PARN: variants seen among roughly 807,000 people sequenced by gnomAD.
PARN encodes poly(A)-specific ribonuclease.
In PARN, 71 loss-of-function variants were observed where a neutral mutation model predicts 102.8. The observed-to-expected ratio is 0.69, with a 90% CI of 0.57 to 0.84. The LOEUF is 0.84. Among genes scored for constraint, PARN ranks in the 40% least tolerant of loss-of-function variants. The pLI is 0.00. For synonymous variants in PARN, 261 were observed against 252.9 expected (o/e 1.03, Z -0.30); for missense variants, 782 against 760.9 (o/e 1.03, Z -0.33).
intron 21 of PARN, among the ~76,000 whole-genome samples, chr16:14,547,654 G>C (rs1038471027): frequency 2.0e-5 from 3 of 152,034 alleles, no homozygotes; most frequent in Admixed American, 2.0e-4. Flanking sequence ...AGGCTGCAGT[G>C]AGTTATAATC....
chr16:14,438,018 C>T (rs867121471), intron 23 of PARN, among the ~76,000 whole-genome samples: 7 of 152,178 alleles, frequency 4.6e-5, no homozygotes, highest in African/African-American at 1.7e-4. Context: ...ACTCTTTCTG[C>T]CCTGGGTCTC....
intron 21 of PARN, among the ~76,000 whole-genome samples, chr16:14,542,810 AG>A: frequency 6.6e-6 from 1 of 152,208 alleles, no homozygotes; most frequent in East Asian, 1.9e-4. Context: ...CACAGAAAAA[AG>A]GAACAGAGCA....
rs575255097 is a variant in PARN at position 14,436,350 on chromosome 16, C to G, written c.*367G>C. The G allele has an allele frequency of 4.2e-5, 11 of 260,086 alleles. No homozygotes were observed. The highest frequency in any genetic ancestry group is 7.4e-5 in the Non-Finnish European group (10 of 135,786). 16.1% of individuals were successfully genotyped at this position (260,086 alleles called of 1,614,324 possible). On this transcript the variant is annotated 3_prime_UTR_variant, in exon 24 of 24. Coordinates refer to ENST00000437198, the MANE Select transcript of PARN (RefSeq NM_002582.4). ...ACCCCCAAATTCATGATCACAGCAG[C>G]TGGAATGTCAGCTCTTTTTGCAGAT... is the stretch of plus-strand genomic sequence containing the variant.
At chr16:14,448,044 G>C (rs1329032497) in intron 22 of PARN, among the ~76,000 whole-genome samples, 1 of 152,084 alleles carries the variant, frequency 6.6e-6, no homozygotes, top group Non-Finnish European at 1.5e-5. Flanking sequence ...GAGTGCAGTG[G>C]AGTGATCTCG....
chr16:14,451,869 C>CAAAAAAAAAAAAAAAAAAAAA (rs869041563), intron 22 of PARN, among the ~76,000 whole-genome samples: 24 of 52,500 alleles, frequency 4.6e-4, no homozygotes, highest in African/African-American at 5.3e-4. Flanking sequence ...AAAAAAAATA[C>CAAAAAAAAAAAAAAAAAAAAA]AAAAAAAAAA....
At chr16:14,438,026 C>A (rs1189319647) in intron 23 of PARN, among the ~76,000 whole-genome samples, 1 of 152,152 alleles carries the variant, frequency 6.6e-6, no homozygotes, top group African/African-American at 2.4e-5. Context: ...TGCCCTGGGT[C>A]TCATCGCTCT....
At chr16:14,579,767 G>C (rs577872728) in intron 18 of PARN, among the ~76,000 whole-genome samples, 1 of 152,206 alleles carries the variant, frequency 6.6e-6, no homozygotes, top group East Asian at 1.9e-4. Context: ...CTGAGGTCAG[G>C]GAGTTCGAGA....
chr16:14,610,472 A>C (rs1221374438), intron 7 of PARN, among the ~76,000 whole-genome samples, 172 bp downstream of exon 7: 1 of 147,984 alleles, frequency 6.8e-6, no homozygotes, highest in African/African-American at 2.5e-5. Context: ...GACTGTCTCA[A>C]AAAAAAAAAA....
chr16:14,623,086 A>G (rs1317119636), intron 5 of PARN, among the ~76,000 whole-genome samples: 1 of 150,986 alleles, frequency 6.6e-6, no homozygotes, highest in Non-Finnish European at 1.5e-5. Context: ...CCTTGGTGAC[A>G]GAGACTCTGT....
intron 18 of PARN, among the ~76,000 whole-genome samples, chr16:14,570,861 G>A (rs989892818): frequency 6.7e-6 from 1 of 149,700 alleles, no homozygotes; most frequent in South Asian, 2.1e-4. Flanking sequence ...GGTGGCATGC[G>A]CCTTTGGTAG....
intron 21 of PARN, among the ~76,000 whole-genome samples, chr16:14,507,543 A>G (rs1295365569): frequency 6.7e-6 from 1 of 149,070 alleles, no homozygotes; most frequent in Non-Finnish European, 1.5e-5. Flanking sequence ...AAAAATACAA[A>G]AAAGGCATGG....
At position 14,617,788 on chromosome 16, in the gene PARN, A is replaced by G. The variant is rs146142272; in HGVS notation, c.328-138T>C. 1,837 of 641,108 alleles carry G rather than the reference A, an allele frequency of 2.9e-3. 29 individuals carry two copies. The highest frequency in any genetic ancestry group is 0.028 in the African/African-American group (1,561 of 54,782). The allele number at this position is 641,108 out of a possible 1,614,324, so 39.7% of individuals were successfully genotyped here. ...TGTGCCAGAGGTCACAATACAAGGA[A>G]TTTCTACTCCACAAACAATCCATTA... is the stretch of plus-strand genomic sequence containing the variant. On this transcript the variant is annotated intron_variant, in intron 5 of 23. Coordinates refer to ENST00000437198, the MANE Select transcript of PARN (RefSeq NM_002582.4).
intron 18 of PARN, among the ~76,000 whole-genome samples, chr16:14,567,483 T>C (rs1157664264): frequency 6.6e-6 from 1 of 152,218 alleles, no homozygotes. Context: ...CTGTGCTGCC[T>C]AGTCCAGGTT....
chr16:14,532,818 C>A (rs1280640643), intron 21 of PARN, among the ~76,000 whole-genome samples: 7 of 150,556 alleles, frequency 4.6e-5, no homozygotes, highest in Non-Finnish European at 8.9e-5. Flanking sequence ...CTGACCCCCC[C>A]ACCTCCCTCC....
intron 22 of PARN, among the ~76,000 whole-genome samples, chr16:14,480,622 T>C (rs1452278744): frequency 6.6e-6 from 1 of 152,166 alleles, no homozygotes; most frequent in Admixed American, 6.5e-5. Context: ...CAATACTGTC[T>C]CATTCCATCT....
intron 6 of PARN, among the ~76,000 whole-genome samples, chr16:14,612,597 TTTTC>T (rs1443206003): frequency 1.3e-5 from 2 of 151,964 alleles, no homozygotes; most frequent in Non-Finnish European, 2.9e-5. Context: ...TACTATTTTT[TTTTC>T]TTTTTTTTCT....
At chr16:14,549,107 A>AAG (rs1967140762) in intron 21 of PARN, among the ~76,000 whole-genome samples, 1 of 152,138 alleles carries the variant, frequency 6.6e-6, no homozygotes, top group Admixed American at 6.6e-5. Flanking sequence ...GACTGCATAA[A>AAG]AGATGGCTTC....
At chr16:14,584,695 T>C (rs1476023354) in intron 15 of PARN, 54 bp downstream of exon 15, 6 of 1,250,918 alleles carry the variant, frequency 4.8e-6, no homozygotes, top group Non-Finnish European at 6.9e-6. Flanking sequence ...TGTTCTGGCA[T>C]TCATTTCACT....
chr16:14,516,334 A>C (rs1326070596), intron 21 of PARN, among the ~76,000 whole-genome samples: 1 of 152,190 alleles, frequency 6.6e-6, no homozygotes, highest in Non-Finnish European at 1.5e-5. Context: ...TTACAACTCA[A>C]GAAAACTTTG....
Sources: gnomAD v4.1 joint callset for allele counts (sites outside exome capture counted in the v4.1 genomes callset) on GRCh38, gnomAD v4.1.1 for gene constraint, MANE v1.5 for transcripts, NCBI Gene and HGNC (gene_info 2026-07-23, HGNC 2026-07-21) for gene names.